Variants in FSTL4 observed in about 807,000 individuals in gnomAD.
The protein encoded by FSTL4 is follistatin like 4.
A neutral mutation model predicts 78.2 loss-of-function variants in FSTL4; 28 were observed. That is an observed-to-expected ratio of 0.36 (90% CI 0.27 to 0.49). The LOEUF (loss-of-function observed/expected upper bound fraction) is 0.49, where lower values mean the gene tolerates loss of function less well. Among genes scored for constraint, FSTL4 ranks in the 20% least tolerant of loss-of-function variants. The probability of loss-of-function intolerance (pLI) is 0.98; values close to 1 mark genes in which losing one functional copy is unlikely to be tolerated. For missense variants in FSTL4, 922 were observed against 1,084.9 expected, an observed-to-expected ratio of 0.85 and a Z score of 2.11; for synonymous variants, 422 against 440.5, an observed-to-expected ratio of 0.96 and a Z score of 0.53.
rs968784007 is a variant in FSTL4 at position 133,606,369 on chromosome 5, T to C, written c.-10-2376A>G. 5.9e-5 allele frequency among the ~76,000 whole-genome samples: 9 copies of C among 152,200 alleles called. No individual in the cohort carries two copies. In the East Asian group the frequency reaches 1.7e-3, roughly 29 times the overall value. The stretch of plus-strand genomic sequence containing the variant: ...TCCCAACCTCAGGTGATCCACCTGC[T>C]TCGGCCTCCCAAAGTGCTGGTATTA... On this transcript the variant is annotated intron_variant, in intron 1 of 15. Coordinates refer to ENST00000265342, the MANE Select transcript of FSTL4 (RefSeq NM_015082.2).
the FSTL4 span, among the ~76,000 whole-genome samples, chr5:133,721,112 C>A: frequency 1.3e-5 from 2 of 152,264 alleles, no homozygotes; most frequent in East Asian, 1.9e-4. Flanking sequence ...TGTTTGTTAG[C>A]CACTCACATA....
chr5:133,830,425 G>T, the FSTL4 span, among the ~76,000 whole-genome samples: 2 of 152,142 alleles, frequency 1.3e-5, no homozygotes, highest in South Asian at 4.1e-4. Context: ...TGGAGGAAGT[G>T]GGGGGCCACC....
At chr5:133,471,902 T>C (rs1194550685) in intron 3 of FSTL4, among the ~76,000 whole-genome samples, 1 of 152,170 alleles carries the variant, frequency 6.6e-6, no homozygotes, top group Non-Finnish European at 1.5e-5. Context: ...GAGGGGGCCA[T>C]TCCACTAGGT....
intron 4 of FSTL4, among the ~76,000 whole-genome samples, chr5:133,392,054 G>C (rs11750055): frequency 6.6e-6 from 1 of 152,186 alleles, no homozygotes; most frequent in Non-Finnish European, 1.5e-5. Flanking sequence ...GAGCAGGACA[G>C]CACCATGGTC....
At chr5:133,274,221 C>A (rs746554591) in intron 6 of FSTL4, among the ~76,000 whole-genome samples, 2 of 152,066 alleles carry the variant, frequency 1.3e-5, no homozygotes, top group Non-Finnish European at 2.9e-5. Flanking sequence ...GAACTTTAAG[C>A]AGTTAATCCC....
At chr5:133,210,526 C>T (rs1750676146) in intron 13 of FSTL4, among the ~76,000 whole-genome samples, 2 of 151,842 alleles carry the variant, frequency 1.3e-5, no homozygotes, top group African/African-American at 4.8e-5. Flanking sequence ...GAGTCTTGCT[C>T]TTGTTGCCCA....
At chr5:133,749,916 A>C in the FSTL4 span, among the ~76,000 whole-genome samples, 3 of 152,194 alleles carry the variant, frequency 2.0e-5, no homozygotes, top group Non-Finnish European at 4.4e-5. Context: ...ACATTGTGAA[A>C]ATCTCATAAG....
At chr5:133,639,950 CT>C in the FSTL4 span, among the ~76,000 whole-genome samples, 2 of 152,272 alleles carry the variant, frequency 1.3e-5, no homozygotes, top group East Asian at 3.9e-4. Flanking sequence ...TCAGAACTGA[CT>C]TCTTAGAAAG....
chr5:133,275,711 A>T (rs376680875), intron 6 of FSTL4: 76 of 152,372 alleles, frequency 5.0e-4, no homozygotes, highest in African/African-American at 1.7e-3. Flanking sequence ...TCGTAACAAA[A>T]TACATACGAA....
At chr5:133,599,237 G>A (rs970540447) in intron 2 of FSTL4, among the ~76,000 whole-genome samples, 4 of 152,168 alleles carry the variant, frequency 2.6e-5, no homozygotes, top group East Asian at 1.9e-4. Context: ...ACGAAGCCAC[G>A]GAGCATCTAA....
intron 4 of FSTL4, among the ~76,000 whole-genome samples, chr5:133,339,292 G>A (rs1218014778): frequency 6.6e-6 from 1 of 152,152 alleles, no homozygotes; most frequent in East Asian, 1.9e-4. Context: ...GCCCTATCAT[G>A]GTAGTGCAAC....
At chr5:133,700,461 G>GCCACCACACCAAA in the FSTL4 span, among the ~76,000 whole-genome samples, 1 of 150,284 alleles carries the variant, frequency 6.7e-6, no homozygotes, top group African/African-American at 2.4e-5. Flanking sequence ...ATCACACCAA[G>GCCACCACACCAAA]CCACCACACC....
intron 1 of FSTL4, among the ~76,000 whole-genome samples, chr5:133,605,990 C>T (rs1760968865): frequency 6.6e-6 from 1 of 152,122 alleles, no homozygotes; most frequent in Admixed American, 6.5e-5. Flanking sequence ...CCTCCCCTGC[C>T]CCCCAATGGC....
At chr5:133,216,387 TTGAAGTGATTCTCCTGCCTCGGCCTCCCG>T (rs796883959) in intron 13 of FSTL4, among the ~76,000 whole-genome samples, 1,923 of 148,856 alleles carry the variant, frequency 0.013, 44 homozygotes, top group African/African-American at 0.048. Flanking sequence ...ACCTCCCGGG[TTGAAGTGATTCTCCTGCCTCGGCCTCCCG>T]TCAAGTGATT....
chr5:133,305,501 C>T (rs1487160441), intron 6 of FSTL4, among the ~76,000 whole-genome samples: 1 of 152,168 alleles, frequency 6.6e-6, no homozygotes, highest in East Asian at 1.9e-4. Flanking sequence ...TTCAGGTATC[C>T]ACTCCGATGT....
intron 7 of FSTL4, among the ~76,000 whole-genome samples, chr5:133,238,337 G>A (rs1045427125): frequency 1.3e-5 from 2 of 152,140 alleles, no homozygotes; most frequent in East Asian, 1.9e-4. Flanking sequence ...GGGAGCAAAG[G>A]GGGGGTCTCT....
chr5:133,332,783 C>T (rs1331726439), intron 4 of FSTL4, among the ~76,000 whole-genome samples: 1 of 152,196 alleles, frequency 6.6e-6, no homozygotes, highest in Non-Finnish European at 1.5e-5. Context: ...AAACAGGAGC[C>T]ATCAGCTAAA....
chr5:133,616,310 A>AATCT (rs374635447), upstream of FSTL4, among the ~76,000 whole-genome samples: 68,673 of 146,964 alleles, frequency 0.47, 16,079 homozygotes, highest in Middle Eastern at 0.53. Flanking sequence ...TGAAAATCTA[A>AATCT]ATCTATCTAT....
the FSTL4 span, among the ~76,000 whole-genome samples, chr5:133,635,425 G>T: frequency 2.0e-5 from 3 of 152,228 alleles, no homozygotes; most frequent in Non-Finnish European, 2.9e-5. Flanking sequence ...CCTGATATAT[G>T]TATATGGGAA....
Sources: allele counts gnomAD v4.1 joint callset (sites outside exome capture counted in the v4.1 genomes callset), GRCh38; gene constraint gnomAD v4.1.1; transcripts MANE v1.5; gene names NCBI Gene and HGNC (gene_info 2026-07-23, HGNC 2026-07-21).